The following AGBL4 variants were observed in gnomAD, a reference collection of about 807,000 sequenced individuals.
The protein encoded by AGBL4 is AGBL carboxypeptidase 4.
A neutral mutation model predicts 66.4 loss-of-function variants in AGBL4; 58 were observed. That is an observed-to-expected ratio of 0.87 (90% CI 0.71 to 1.09). The LOEUF is 1.09. Among genes scored for constraint, AGBL4 ranks in the 50% least tolerant of loss-of-function variants. The pLI is 0.00. For synonymous variants in AGBL4, 234 were observed against 222.9 expected (o/e 1.05, Z -0.44); for missense variants, 579 against 631.0 (o/e 0.92, Z 0.88).
chr1:49,328,963 T>G (rs754711779), intron 3 of AGBL4, among the ~76,000 whole-genome samples: 3 of 152,210 alleles, frequency 2.0e-5, no homozygotes, highest in Admixed American at 1.3e-4. Context: ...TCTGTACTAC[T>G]AATCTGAATA....
chr1:49,861,874 C>G (rs1646581457), intron 1 of AGBL4, among the ~76,000 whole-genome samples: 1 of 152,180 alleles, frequency 6.6e-6, no homozygotes, highest in African/African-American at 2.4e-5. Context: ...TAGATCACAG[C>G]ACCCAAGTCC....
chr1:48,713,370 C>T (rs1186130662), intron 6 of AGBL4, among the ~76,000 whole-genome samples: 1 of 152,072 alleles, frequency 6.6e-6, no homozygotes, highest in East Asian at 1.9e-4. Context: ...AGGTTTCAGT[C>T]AGGAGGACTA....
chr1:49,664,143 C>T (rs1035683009), intron 3 of AGBL4, among the ~76,000 whole-genome samples: 3 of 151,902 alleles, frequency 2.0e-5, no homozygotes, highest in Non-Finnish European at 2.9e-5. Context: ...GCTTGAGTTA[C>T]AGCAATGAAA....
chr1:48,959,273 T>C (rs1008834383), intron 5 of AGBL4, among the ~76,000 whole-genome samples: 1 of 152,186 alleles, frequency 6.6e-6, no homozygotes, highest in Non-Finnish European at 1.5e-5. Flanking sequence ...TGAATAAATA[T>C]AAAATATGAG....
intron 5 of AGBL4, among the ~76,000 whole-genome samples, chr1:48,952,379 T>C (rs138100013): frequency 1.3e-4 from 20 of 152,228 alleles, no homozygotes; most frequent in African/African-American, 3.9e-4. Flanking sequence ...CAAGATAATA[T>C]CAGATAATAA....
intron 1 of AGBL4, among the ~76,000 whole-genome samples, chr1:49,856,604 T>G (rs534184393): frequency 1.3e-4 from 20 of 152,068 alleles, no homozygotes; most frequent in African/African-American, 4.6e-4. Flanking sequence ...ATATAACACA[T>G]CAACAGAATG....
At chr1:48,785,498 A>G (rs1341450663) in intron 6 of AGBL4, among the ~76,000 whole-genome samples, 1 of 152,196 alleles carries the variant, frequency 6.6e-6, no homozygotes, top group Non-Finnish European at 1.5e-5. Context: ...TCTGACTGGA[A>G]CATCAATAAA....
intron 3 of AGBL4, among the ~76,000 whole-genome samples, chr1:49,330,069 C>A (rs544808467): frequency 2.0e-5 from 3 of 152,320 alleles, no homozygotes; most frequent in African/African-American, 7.2e-5. Flanking sequence ...ATGTTTTATA[C>A]TCATTGTGAT....
intron 2 of AGBL4, among the ~76,000 whole-genome samples, chr1:49,834,476 C>A (rs1645791001): frequency 6.6e-6 from 1 of 152,004 alleles, no homozygotes; most frequent in South Asian, 2.1e-4. Flanking sequence ...TCTTGCTTTT[C>A]TTCTTTATTA....
intron 11 of AGBL4, among the ~76,000 whole-genome samples, chr1:48,570,824 C>T (rs959081035): frequency 4.6e-5 from 7 of 152,076 alleles, no homozygotes; most frequent in South Asian, 4.1e-4. Flanking sequence ...TGCCTTAGTG[C>T]GTATAAGTAG....
intron 4 of AGBL4, among the ~76,000 whole-genome samples, chr1:49,188,344 T>C (rs1647052663): frequency 1.3e-5 from 2 of 152,172 alleles, no homozygotes; most frequent in Non-Finnish European, 2.9e-5. Flanking sequence ...CTGGAGATTA[T>C]GCCAGGCAAT....
In AGBL4 at chr1:49,887,300, C is replaced by G. The variant is rs538551570; in HGVS notation, c.35-35782G>C. ...AGATCTAAACAAAGAGGTAAAAAAA[C>G]TCCCTATGTTAGGAAGGGGAGAAGG... On this transcript the variant is annotated intron_variant, in intron 1 of 13. Transcript: ENST00000371839. Among the ~76,000 whole-genome samples, 4 of 150,792 alleles carry G rather than the reference C, an allele frequency of 2.7e-5. No homozygotes were observed. In the South Asian group the frequency reaches 8.3e-4, roughly 31 times the overall value.
intron 1 of AGBL4, among the ~76,000 whole-genome samples, chr1:49,913,287 A>G (rs1030764475): frequency 6.6e-6 from 1 of 152,384 alleles, no homozygotes; most frequent in Middle Eastern, 3.4e-3. Context: ...GAAAAGGCAT[A>G]GGATAGACAT....
chr1:49,520,398 C>G (rs142826721), intron 3 of AGBL4, among the ~76,000 whole-genome samples: 89 of 152,082 alleles, frequency 5.9e-4, no homozygotes, highest in Middle Eastern at 3.4e-3. Flanking sequence ...AACTTCAACT[C>G]AACTCTTTTT....
At chr1:48,629,718 G>C (rs140896763) in intron 9 of AGBL4, among the ~76,000 whole-genome samples, 51 of 152,262 alleles carry the variant, frequency 3.3e-4, no homozygotes, top group African/African-American at 1.2e-3. Flanking sequence ...ATGGGAATGG[G>C]AGTGGGTGAT....
intron 4 of AGBL4, among the ~76,000 whole-genome samples, chr1:49,144,706 G>A (rs746225965): frequency 1.3e-5 from 2 of 152,138 alleles, no homozygotes; most frequent in Non-Finnish European, 2.9e-5. Flanking sequence ...TGCTGTGAAA[G>A]AGAAATTCAG....
At chr1:49,281,418 C>T (rs939500301) in intron 3 of AGBL4, among the ~76,000 whole-genome samples, 1 of 152,148 alleles carries the variant, frequency 6.6e-6, no homozygotes, top group Non-Finnish European at 1.5e-5. Flanking sequence ...CATGTGCACA[C>T]ACCAGGACTT....
At chr1:48,546,273 A>C (rs1255419989) in intron 11 of AGBL4, among the ~76,000 whole-genome samples, 2 of 152,252 alleles carry the variant, frequency 1.3e-5, no homozygotes, top group Non-Finnish European at 2.9e-5. Flanking sequence ...CAAAGGTAGC[A>C]TACGAACTTC....
intron 11 of AGBL4, among the ~76,000 whole-genome samples, chr1:48,559,965 T>G (rs1644373001): frequency 6.6e-6 from 1 of 152,124 alleles, no homozygotes; most frequent in Non-Finnish European, 1.5e-5. Context: ...TGTGCTTATG[T>G]TCTCCTTTCA....
Sources: gnomAD v4.1 joint callset for allele counts (sites outside exome capture counted in the v4.1 genomes callset) on GRCh38, gnomAD v4.1.1 for gene constraint, MANE v1.5 for transcripts, NCBI Gene and HGNC (gene_info 2026-07-23, HGNC 2026-07-21) for gene names.